DNAH10: variants seen among roughly 807,000 people sequenced by gnomAD.
The protein encoded by DNAH10 is dynein axonemal heavy chain 10, also known as axonemal beta dynein heavy chain 10.
DNAH10 carries 348 observed loss-of-function variants against 506.6 expected under a neutral mutation model. The observed-to-expected ratio is 0.69, with a 90% CI of 0.63 to 0.75. The LOEUF is 0.75. Ranked by LOEUF, DNAH10 falls within the 30% of genes least tolerant of loss-of-function variation. The pLI is 0.00. For synonymous variants in DNAH10, 2,059 were observed against 2,198.6 expected, an observed-to-expected ratio of 0.94 and a Z score of 1.78; for missense variants, 5,179 against 5,787.1, an observed-to-expected ratio of 0.89 and a Z score of 3.41.
At chr12:123,793,170 G>C (rs1468748892) in intron 11 of DNAH10, among the ~76,000 whole-genome samples, 1 of 152,104 alleles carries the variant, frequency 6.6e-6, no homozygotes, top group Non-Finnish European at 1.5e-5. Context: ...GCTGTGCAAG[G>C]TGAGAAAGGG....
rs1954478538 is a variant in DNAH10, at chr12:123,916,367, C to T, written c.10723-90C>T. The stretch of plus-strand genomic sequence containing the variant: ...GCCCCCTCCAAGTTCCTGGCCCATC[C>T]ACTTCCCACTTCCAAGCCATTCTCC... On this transcript the variant is annotated intron_variant, in intron 62 of 78. Transcript: ENST00000673944. This position sits in a 1 kb window ranked among gnomAD's most constrained non-coding sequence, Gnocchi z 4.6. The T allele has an allele frequency of 6.6e-7, 1 of 1,509,522 alleles. No individual in the cohort carries two copies. Among genetic ancestry groups the T allele is most frequent in the Non-Finnish European group, 8.9e-7 (1 of 1,126,206 alleles). 93.5% of individuals were successfully genotyped at this position (1,509,522 alleles called of 1,614,324 possible). A position where few individuals can be genotyped will look rare whatever the true frequency, so the allele number is the denominator to read the frequency against.
rs1057360048 is a variant in DNAH10 at position 123,800,097 on chromosome 12, C to A, written c.2290-119C>A. 4 of 887,216 alleles carry A rather than the reference C, an allele frequency of 4.5e-6. No homozygotes were observed. In the African/African-American group the frequency reaches 5.1e-5, roughly 11 times the overall value. The allele number at this position is 887,216 out of a possible 1,614,324, so 55.0% of individuals were successfully genotyped here. On this transcript the variant is annotated intron_variant, in intron 14 of 78. Transcript: ENST00000673944. ...TATTCCAGCCAGTTCCAGCCAGCAC[C>A]CCCGTCTGGTGAAGGGCCCAGTGTT...
Position 123,803,653 on chromosome 12 carries a change from C to G in DNAH10, c.2615-8C>G, listed in dbSNP as rs755459617. 1.9e-6 allele frequency: 3 copies of G among 1,540,274 alleles called. No homozygotes were observed. The African/African-American group carries it at 4.2e-5, about 22-fold the overall frequency. ...GCCAAATGTCTTTCTTTCTTTCTTT[C>G]TTCAAAGGTATCGGTGACTATATAA... On this transcript the variant is annotated splice_polypyrimidine_tract_variant and splice_region_variant and intron_variant, in intron 16 of 78. Transcript: ENST00000673944.
chr12:123,875,705 A>C (rs1952228004), intron 47 of DNAH10, among the ~76,000 whole-genome samples: 1 of 152,200 alleles, frequency 6.6e-6, no homozygotes, highest in Admixed American at 6.5e-5. Context: ...ATTTTTATGG[A>C]GGAAGAGGTC....
rs182172102 is a variant in DNAH10, at chr12:123,870,415, A to G, written c.7569A>G (p.Gln2523=). The G allele has an allele frequency of 8.7e-5, 141 of 1,613,964 alleles. No individual in the cohort carries two copies. In the East Asian group the frequency reaches 2.5e-3, roughly 28 times the overall value. The change falls in exon 44 of 79, where the codon CAA becomes CAG. Residue 2523 remains glutamine (Q), a synonymous_variant. Coordinates refer to ENST00000673944, the MANE Select transcript of DNAH10 (RefSeq NM_001372106.1). The part of the protein sequence containing the change: ...YDFHFDNKRN[Q]WVPWSKLVPE... Reference sequence around the variant, plus strand: ...TTCATTTTGATAACAAACGGAATCAATGGGTCCCATGGAGTAAATTAGTTC... The same window carrying G: ...TTCATTTTGATAACAAACGGAATCAGTGGGTCCCATGGAGTAAATTAGTTC...
chr12:123,782,753 C>A (rs1195197401), intron 6 of DNAH10, among the ~76,000 whole-genome samples: 1 of 152,052 alleles, frequency 6.6e-6, no homozygotes, highest in African/African-American at 2.4e-5. Context: ...CCCCTGATGT[C>A]ATTTTTCCCC....
intron 21 of DNAH10, among the ~76,000 whole-genome samples, chr12:123,818,697 G>A (rs959891907): frequency 6.6e-6 from 1 of 152,024 alleles, no homozygotes; most frequent in African/African-American, 2.4e-5. Context: ...GCCCAGGCTG[G>A]TCTCAAACTC....
intron 46 of DNAH10, among the ~76,000 whole-genome samples, chr12:123,874,300 CATCCATCCATAT>C (rs1214484136): frequency 6.6e-6 from 1 of 151,008 alleles, no homozygotes; most frequent in Non-Finnish European, 1.5e-5. Context: ...TCCATCCATC[CATCCATCCATAT>C]GTTCATTCAT....
intron 37 of DNAH10, among the ~76,000 whole-genome samples, chr12:123,858,883 C>A (rs997507244): frequency 6.6e-6 from 1 of 151,986 alleles, no homozygotes; most frequent in African/African-American, 2.4e-5. Flanking sequence ...TACGCAAATC[C>A]GTAGAGACAG....
At chr12:123,934,437 T>C in intron 77 of DNAH10, 184 bp from the exon 78 acceptor site, 1 of 763,160 alleles carries the variant, frequency 1.3e-6, no homozygotes, top group Non-Finnish European at 2.2e-6. Context: ...CTGTCTGGGC[T>C]GCTCCTCCAC....
intron 54 of DNAH10, among the ~76,000 whole-genome samples, chr12:123,896,633 C>A (rs1300550626): frequency 6.6e-6 from 1 of 151,304 alleles, no homozygotes; most frequent in African/African-American, 2.4e-5. Context: ...CAAGGCCCTT[C>A]TGCCACGGTG....
chr12:123,772,260 T>C (rs1957280767), intron 3 of DNAH10, among the ~76,000 whole-genome samples: 1 of 152,110 alleles, frequency 6.6e-6, no homozygotes, highest in Non-Finnish European at 1.5e-5. Context: ...AAAACAGGCA[T>C]TCACCAAACT....
At chr12:123,922,190 T>C (rs901973856) in intron 65 of DNAH10, among the ~76,000 whole-genome samples, 3 of 151,946 alleles carry the variant, frequency 2.0e-5, no homozygotes, top group African/African-American at 7.2e-5. Flanking sequence ...CTGGCCAACC[T>C]GGTGAAACCC....
Position 123,908,434 on chromosome 12 carries a change from G to T in DNAH10, c.9816-827G>T, listed in dbSNP as rs1193256315. Reference sequence around the variant, plus strand: ...CCTCTGTCTCCTGCTCTTCTCTCCTGCTTTTCCTTCCTCTCCTGCTTTGCC... The same window carrying T: ...CCTCTGTCTCCTGCTCTTCTCTCCTTCTTTTCCTTCCTCTCCTGCTTTGCC... On this transcript the variant is annotated intron_variant, in intron 57 of 78. Transcript: ENST00000673944. The T allele has an allele frequency of 6.6e-6, 3 of 456,234 alleles. No homozygotes were observed. The Admixed American group carries it at 7.0e-5, about 11-fold the overall frequency. 28.3% of individuals were successfully genotyped at this position (456,234 alleles called of 1,614,324 possible).
intron 41 of DNAH10, among the ~76,000 whole-genome samples, 156 bp downstream of exon 41, chr12:123,866,229 CTTTTTTTTT>C (rs71088963): frequency 0.035 from 2,058 of 58,060 alleles, 58 homozygotes; most frequent in African/African-American, 0.13. Flanking sequence ...GGCAGACACA[CTTTTTTTTT>C]TTTTTTTTTT....
chr12:123,916,471 T>A lies in DNAH10; in HGVS notation c.10737T>A (p.Asn3579Lys). The change falls in exon 63 of 79, where the codon AAT becomes AAA. Residue 3579 changes from asparagine (N) to lysine (K), a missense_variant. This residue lies in a region of DNAH10 where 4,844 missense variants were observed against 5,430.5 expected (regional missense o/e 0.89). Transcript: ENST00000673944. The surrounding 1 kb of genome is among the most constrained non-coding windows in gnomAD (Gnocchi z 4.6). Reference sequence around the variant, plus strand: ...TTCTCTTCCAGGTCGCTTCCTTTAATGACCCTGACTTCCTCAAGCAGCTAG... The same window carrying A: ...TTCTCTTCCAGGTCGCTTCCTTTAAAGACCCTGACTTCCTCAAGCAGCTAG... ...EKNNLRVASF[N>K]DPDFLKQLEM... The A allele has an allele frequency of 6.2e-7, 1 of 1,607,468 alleles. No individual in the cohort carries two copies. The highest frequency in any genetic ancestry group is 8.5e-7 in the Non-Finnish European group (1 of 1,176,372).
At position 123,916,845 on chromosome 12, in the gene DNAH10, T is replaced by C. The variant is rs1484964539; in HGVS notation, c.11002+109T>C. 7.4e-7 allele frequency: 1 copy of C among 1,348,650 alleles called. No individual in the cohort carries two copies. The highest frequency in any genetic ancestry group is 2.4e-5 in the East Asian group (1 of 41,714). 83.5% of individuals were successfully genotyped at this position (1,348,650 alleles called of 1,614,324 possible). On this transcript the variant is annotated intron_variant, in intron 63 of 78. Transcript: ENST00000673944. The surrounding 1 kb of genome is among the most constrained non-coding windows in gnomAD (Gnocchi z 4.6). ...CATTTCACTCAGTGACCCCAGATCA[T>C]TCTCTCATAGGCACATCTGGACTAG... is the stretch of plus-strand genomic sequence containing the variant.
rs139490397 is a variant in DNAH10 at position 123,796,097 on chromosome 12, G to A, written c.1987-559G>A. Among the ~76,000 whole-genome samples, 706 of 152,250 alleles carry A rather than the reference G, an allele frequency of 4.6e-3. 18 individuals carry two copies. Among genetic ancestry groups the A allele is most frequent in the Admixed American group, 0.04 (611 of 15,286 alleles). On this transcript the variant is annotated intron_variant, in intron 12 of 78. Coordinates refer to ENST00000673944, the MANE Select transcript of DNAH10 (RefSeq NM_001372106.1). Reference sequence around the variant, plus strand: ...TCCGGATTTCTGATAATTGGATCAAGCCAATATACACAGTGTGCATGCTCT... The same window carrying A: ...TCCGGATTTCTGATAATTGGATCAAACCAATATACACAGTGTGCATGCTCT...
At chr12:123,889,131 T>C (rs1317386) in intron 52 of DNAH10, among the ~76,000 whole-genome samples, 81,787 of 152,000 alleles carry the variant, frequency 0.54, 23,276 homozygotes, top group African/African-American at 0.73. Flanking sequence ...TGCTCTGCCA[T>C]GCGTGTAAAC....
Sources: allele counts gnomAD v4.1 joint callset (sites outside exome capture counted in the v4.1 genomes callset), GRCh38; gene constraint gnomAD v4.1.1; regional missense constraint gnomAD v4.1.1; non-coding constraint Gnocchi (gnomAD v3.1); transcripts MANE v1.5; gene names NCBI Gene and HGNC (gene_info 2026-07-23, HGNC 2026-07-21).